PTP4A1: variants seen among roughly 807,000 people sequenced by gnomAD.
PTP4A1 encodes the protein protein tyrosine phosphatase type IVA 1.
In PTP4A1, 9 loss-of-function variants were observed where a neutral mutation model predicts 20.5. The observed-to-expected ratio is 0.44, with a 90% CI of 0.26 to 0.77. The LOEUF is 0.77. Among genes scored for constraint, PTP4A1 ranks in the 30% least tolerant of loss-of-function variants. The pLI, the probability that PTP4A1 is intolerant of heterozygous loss-of-function variation, is 0.19. For missense variants in PTP4A1, 137 were observed against 218.8 expected (o/e 0.63, Z 2.36); for synonymous variants, 78 against 67.4 (o/e 1.16, Z -0.77).
intron 2 of PTP4A1, among the ~76,000 whole-genome samples, chr6:63,542,516 A>G (rs1776025998): frequency 6.6e-6 from 1 of 152,118 alleles, no homozygotes; most frequent in African/African-American, 2.4e-5. Context: ...ACTTTTCAAG[A>G]GTCCAACCTC....
upstream of PTP4A1, among the ~76,000 whole-genome samples, chr6:63,519,399 G>A (rs990259636): frequency 6.6e-6 from 1 of 152,050 alleles, no homozygotes; most frequent in Non-Finnish European, 1.5e-5. Flanking sequence ...TTTGAATTTT[G>A]AAAACACTTC....
At chr6:63,539,376 T>G (rs1367181811) in intron 2 of PTP4A1, among the ~76,000 whole-genome samples, 2 of 152,180 alleles carry the variant, frequency 1.3e-5, no homozygotes, top group African/African-American at 4.8e-5. Flanking sequence ...CCTCCAGGAT[T>G]CCATCCCACT....
In PTP4A1 at chr6:63,582,453, A is replaced by C. The variant is rs926994585; in HGVS notation, c.*2279A>C. 2 of 152,594 alleles carry C rather than the reference A, an allele frequency of 1.3e-5. No homozygotes were observed. The highest frequency in any genetic ancestry group is 4.8e-5 in the African/African-American group (2 of 41,438). 9.5% of individuals were successfully genotyped at this position (152,594 alleles called of 1,614,324 possible). ...TCTGTACATTATACGATGTGATGAAATTTGCTTTTTATCCAAATATTTTGT... is the reference window on the plus strand; with the variant it reads ...TCTGTACATTATACGATGTGATGAACTTTGCTTTTTATCCAAATATTTTGT... On this transcript the variant is annotated 3_prime_UTR_variant, in exon 6 of 6. Coordinates refer to ENST00000626021, the MANE Select transcript of PTP4A1 (RefSeq NM_003463.5).
At chr6:63,550,970 A>C (rs184698192) in intron 3 of PTP4A1, among the ~76,000 whole-genome samples, 213 of 152,220 alleles carry the variant, frequency 1.4e-3, no homozygotes, top group African/African-American at 5.1e-3. Flanking sequence ...TTGAGAATCT[A>C]ATTGTATATA....
chr6:63,521,096 A>C (rs994781808), upstream of PTP4A1, among the ~76,000 whole-genome samples: 5 of 152,064 alleles, frequency 3.3e-5, no homozygotes, highest in Admixed American at 6.6e-5. Context: ...GGTGGGGGAA[A>C]AGGGGAGGGA....
At chr6:63,573,431 C>T (rs921426609) in intron 1 of PTP4A1, 1 of 152,144 alleles carries the variant, frequency 6.6e-6, no homozygotes, top group African/African-American at 2.4e-5. Context: ...GGACCCGAGC[C>T]TCAGACAAAA....
chr6:63,520,776 G>A (rs931799056), upstream of PTP4A1, among the ~76,000 whole-genome samples: 3 of 152,082 alleles, frequency 2.0e-5, no homozygotes, highest in Non-Finnish European at 2.9e-5. Flanking sequence ...TAGTGTCAGA[G>A]TTACTGTTCT....
intron 2 of PTP4A1, among the ~76,000 whole-genome samples, chr6:63,536,149 A>G (rs1050689254): frequency 2.0e-5 from 3 of 152,052 alleles, no homozygotes; most frequent in Non-Finnish European, 2.9e-5. Context: ...CTGGCCAACA[A>G]GATGAAACCA....
intron 1 of PTP4A1, among the ~76,000 whole-genome samples, chr6:63,522,213 G>A (rs1233712362): frequency 6.6e-6 from 1 of 152,130 alleles, no homozygotes; most frequent in Non-Finnish European, 1.5e-5. Flanking sequence ...TTTCTCCAAA[G>A]TATTTTAAGG....
At chr6:63,574,935 C>T (rs1701385705) in intron 1 of PTP4A1, among the ~76,000 whole-genome samples, 2 of 152,158 alleles carry the variant, frequency 1.3e-5, no homozygotes, top group Non-Finnish European at 2.9e-5. Flanking sequence ...GTGAAGTAAC[C>T]TCTGAGGGCT....
Position 63,576,317 on chromosome 6 carries a change from G to A in PTP4A1, c.-445-119G>A, listed in dbSNP as rs538648526. The A allele has an allele frequency of 7.7e-6, 3 of 388,560 alleles. No individual in the cohort carries two copies. In the East Asian group the frequency reaches 1.1e-4, roughly 14 times the overall value. 24.1% of individuals were successfully genotyped at this position (388,560 alleles called of 1,614,324 possible). On this transcript the variant is annotated intron_variant, in intron 1 of 5. Coordinates refer to ENST00000626021, the MANE Select transcript of PTP4A1 (RefSeq NM_003463.5). ...TGCAATTCAAGTAAAAGTCGATGAA[G>A]CGGCTCAGGCCCTGCTTTAGAAAAA...
chr6:63,519,188 T>C (rs1774834732), upstream of PTP4A1, among the ~76,000 whole-genome samples: 1 of 151,964 alleles, frequency 6.6e-6, no homozygotes, highest in East Asian at 1.9e-4. Context: ...GTGCCTGTAA[T>C]CCCAGCTACT....
chr6:63,563,018 T>C (rs1777032198), intron 3 of PTP4A1, among the ~76,000 whole-genome samples: 1 of 152,196 alleles, frequency 6.6e-6, no homozygotes, highest in African/African-American at 2.4e-5. Flanking sequence ...GTAAAACTTC[T>C]CCATTTTATT....
At chr6:63,565,414 C>T (rs551040150) in intron 3 of PTP4A1, among the ~76,000 whole-genome samples, 63 of 151,828 alleles carry the variant, frequency 4.1e-4, no homozygotes, top group African/African-American at 1.4e-3. Context: ...TAATAGAGAT[C>T]GATTCAAGAG....
At chr6:63,543,270 T>C (rs186924470) in intron 2 of PTP4A1, among the ~76,000 whole-genome samples, 1 of 152,340 alleles carries the variant, frequency 6.6e-6, no homozygotes, top group Admixed American at 6.5e-5. Context: ...TCTGTGATCA[T>C]TCAGACGTCA....
At chr6:63,517,458 T>G (rs1774768948), upstream of PTP4A1, among the ~76,000 whole-genome samples, 1 of 152,084 alleles carries the variant, frequency 6.6e-6, no homozygotes, top group Admixed American at 6.6e-5. Flanking sequence ...AAATGGAAAA[T>G]AAAGGTATGC....
intron 1 of PTP4A1, among the ~76,000 whole-genome samples, chr6:63,524,469 G>T (rs747694645): frequency 6.6e-6 from 1 of 152,110 alleles, no homozygotes; most frequent in Non-Finnish European, 1.5e-5. Context: ...AGTTTAATAA[G>T]TGAGAACTTC....
chr6:63,530,778 T>A (rs1351872189), intron 2 of PTP4A1, among the ~76,000 whole-genome samples: 2 of 152,228 alleles, frequency 1.3e-5, no homozygotes, highest in Non-Finnish European at 2.9e-5. Context: ...CCTAGTCTTC[T>A]GTATTTTAAC....
chr6:63,517,856 C>T (rs570892178), upstream of PTP4A1, among the ~76,000 whole-genome samples: 1 of 152,144 alleles, frequency 6.6e-6, no homozygotes, highest in East Asian at 1.9e-4. Context: ...TCCATTGACA[C>T]ATAAAATCTC....
Sources: allele counts gnomAD v4.1 joint callset (sites outside exome capture counted in the v4.1 genomes callset), GRCh38; gene constraint gnomAD v4.1.1; transcripts MANE v1.5; gene names NCBI Gene and HGNC (gene_info 2026-07-23, HGNC 2026-07-21).